Variants in FGFR1 observed in about 807,000 individuals in gnomAD.
The protein encoded by FGFR1 is FGFR1/PLAG1 fusion.
A neutral mutation model predicts 93.7 loss-of-function variants in FGFR1; 18 were observed. The observed-to-expected ratio is 0.19, with a 90% confidence interval of 0.13 to 0.28. FGFR1 has a LOEUF of 0.28. Ranked by LOEUF, FGFR1 falls within the 10% of genes least tolerant of loss-of-function variation. The pLI, the probability that FGFR1 is intolerant of heterozygous loss-of-function variation, is 1.00. For missense variants in FGFR1, 731 were observed against 1,080.4 expected, an observed-to-expected ratio of 0.68 and a Z score of 4.53; for synonymous variants, 448 against 429.3, an observed-to-expected ratio of 1.04 and a Z score of -0.54.
chr8:38,414,535 T>C (rs1180320920), intron 15 of FGFR1, 24 bp downstream of exon 15: 1 of 1,613,490 alleles, frequency 6.2e-7, no homozygotes, highest in Admixed American at 1.7e-5. Flanking sequence ...CACACCTCCC[T>C]GGCAATTGCT....
At position 38,419,710 on chromosome 8, in the gene FGFR1, C is replaced by T. The variant is rs1404194266; in HGVS notation, c.1107G>A (p.Met369Ile). The T allele has an allele frequency of 6.2e-7, 1 of 1,614,104 alleles. No homozygotes were observed. Among genetic ancestry groups the T allele is most frequent in the Admixed American group, 1.7e-5 (1 of 60,016 alleles). ...LEALEERPAV[M>I]TSPLYLEIII... The stretch of plus-strand genomic sequence containing the variant: ...TGATCTCCAGGTACAGGGGCGAGGT[C>T]ATCACTGCCGGCCTCTCTTCCAGGG... The change falls in exon 9 of 18, where the codon ATG becomes ATA. Residue 369 changes from methionine to isoleucine, a missense_variant. Met to Ile is a conservative substitution (Grantham distance 10). Around this residue, in one of 10 missense-constraint regions of FGFR1, gnomAD observed 146 missense variants for 173.0 expected, o/e 0.84. Transcript: ENST00000447712.
chr8:38,441,106 C>A (rs1000496066), intron 2 of FGFR1, among the ~76,000 whole-genome samples: 1 of 145,108 alleles, frequency 6.9e-6, no homozygotes, highest in Non-Finnish European at 1.5e-5. Flanking sequence ...CAGCAAGACA[C>A]GTGTAGAATC....
intron 3 of FGFR1, 167 bp from the exon 4 acceptor site, chr8:38,428,602 C>G: frequency 1.5e-6 from 1 of 647,114 alleles, no homozygotes; most frequent in Non-Finnish European, 2.8e-6. Flanking sequence ...AAGAACAGTT[C>G]CTGTGCGTGT....
chr8:38,462,914 T>C (rs1167752977), intron 1 of FGFR1, among the ~76,000 whole-genome samples: 1 of 150,352 alleles, frequency 6.7e-6, no homozygotes, highest in Admixed American at 6.6e-5. Flanking sequence ...TTTTTTTTTT[T>C]TTTTTTTTTA....
chr8:38,420,052 C>T, intron 8 of FGFR1: 1 of 389,400 alleles, frequency 2.6e-6, no homozygotes, highest in South Asian at 2.8e-5. Context: ...CCCAGGGATC[C>T]TGCAAGGGCC....
At chr8:38,446,628 G>A (rs1364360184) in intron 2 of FGFR1, among the ~76,000 whole-genome samples, 2 of 151,974 alleles carry the variant, frequency 1.3e-5, no homozygotes, top group Non-Finnish European at 2.9e-5. Context: ...TTGCCCAAGC[G>A]GGTCTTCTGA....
Position 38,411,834 on chromosome 8 carries a change from A to G in FGFR1, c.*1794T>C, listed in dbSNP as rs1252304325. 4.4e-6 allele frequency: 1 copy of G among 228,688 alleles called. No homozygotes were observed. The highest frequency in any genetic ancestry group is 5.7e-5 in the Admixed American group (1 of 17,634). 14.2% of individuals were successfully genotyped at this position (228,688 alleles called of 1,614,324 possible). On this transcript the variant is annotated 3_prime_UTR_variant, in exon 18 of 18. Coordinates refer to ENST00000447712, the MANE Select transcript of FGFR1 (RefSeq NM_023110.3). ...GGGACAGGATGGAGTTTGGACAGGAAGAACTGTAAGAAGCCAAGATCTGCG... is the reference window on the plus strand; with the variant it reads ...GGGACAGGATGGAGTTTGGACAGGAGGAACTGTAAGAAGCCAAGATCTGCG...
chr8:38,416,304 A>C (rs1315397097), intron 12 of FGFR1, among the ~76,000 whole-genome samples: 1 of 152,202 alleles, frequency 6.6e-6, no homozygotes, highest in African/African-American at 2.4e-5. Context: ...GTTTATTTTG[A>C]GATGGAGTCT....
intron 2 of FGFR1, among the ~76,000 whole-genome samples, chr8:38,453,926 G>A (rs1431245894): frequency 6.6e-6 from 1 of 152,016 alleles, no homozygotes; most frequent in South Asian, 2.1e-4. Context: ...AACAAACCCA[G>A]CTGATCTTAA....
rs762987116 is a variant in FGFR1 at position 38,421,858 on chromosome 8, C to T, written c.1020G>A (p.Thr340=). Residue 340 remains threonine, a synonymous_variant, in exon 8 of 18, where the codon ACG becomes ACA. Coordinates refer to ENST00000447712, the MANE Select transcript of FGFR1 (RefSeq NM_023110.3). ...GTCCGATAGAGTTACCCGCCAAGCA[C>T]GTATACTCCCCTGCGTCCTCAAAGG... ...NVSFEDAGEY[T]CLAGNSIGLS... 15 of 1,613,954 alleles carry T rather than the reference C, an allele frequency of 9.3e-6. No homozygotes were observed. Among genetic ancestry groups the T allele is most frequent in the African/African-American group, 1.3e-5 (1 of 74,898 alleles).
Position 38,418,290 on chromosome 8 carries a change from C to A in FGFR1, c.1368G>T (p.Met456Ile), listed in dbSNP as rs200776757. ...PSRLSSSGTPMLAGVSEYELP... is the reference protein window; with the variant it reads ...PSRLSSSGTPILAGVSEYELP... ...GCTCATACTCAGAGACCCCTGCTAG[C>A]ATGGGAGTCCCACTGGAGGAGAGCC... The change falls in exon 10 of 18, where the codon ATG (methionine) becomes ATT (isoleucine). Residue 456 changes from methionine (M) to isoleucine (I), a missense_variant. Met to Ile is a conservative substitution (Grantham distance 10). Transcript: ENST00000447712. 905 of 1,614,218 alleles carry A rather than the reference C, an allele frequency of 5.6e-4. No individual in the cohort carries two copies. The highest frequency in any genetic ancestry group is 7.2e-4 in the Non-Finnish European group (849 of 1,180,042).
At chr8:38,467,779 A>C (rs1835870582) in intron 1 of FGFR1, 4 of 231,084 alleles carry the variant, frequency 1.7e-5, no homozygotes, top group Admixed American at 1.1e-4. Context: ...GGAGACGCGG[A>C]CGGAGGGAAG....
intron 2 of FGFR1, chr8:38,434,427 A>C (rs1396390559): frequency 2.6e-6 from 1 of 383,578 alleles, no homozygotes; most frequent in Non-Finnish European, 5.0e-6. Flanking sequence ...TCCTGGCTCA[A>C]CACTGATGGA....
intron 1 of FGFR1, among the ~76,000 whole-genome samples, chr8:38,466,895 A>ACCCCCCCC (rs35393411): frequency 1.5e-5 from 2 of 135,708 alleles, no homozygotes; most frequent in Admixed American, 7.3e-5. Flanking sequence ...TTCACACCCC[A>ACCCCCCCC]CCCCCCCCCC....
At chr8:38,462,512 A>T (rs1474381913) in intron 1 of FGFR1, among the ~76,000 whole-genome samples, 2 of 151,748 alleles carry the variant, frequency 1.3e-5, no homozygotes, top group African/African-American at 4.9e-5. Flanking sequence ...CAAAAAAAAA[A>T]ATTTTTTTTA....
chr8:38,451,031 G>C (rs1830906149), intron 2 of FGFR1, among the ~76,000 whole-genome samples: 1 of 152,116 alleles, frequency 6.6e-6, no homozygotes, highest in South Asian at 2.1e-4. Flanking sequence ...GGACAGAGCT[G>C]ATCCTCTGGG....
intron 2 of FGFR1, among the ~76,000 whole-genome samples, chr8:38,451,543 C>A (rs1265682702): frequency 1.3e-5 from 2 of 152,154 alleles, no homozygotes; most frequent in Admixed American, 1.3e-4. Flanking sequence ...CAGGTTTCTG[C>A]AAAACACAGA....
intron 11 of FGFR1, 84 bp from the exon 12 acceptor site, chr8:38,417,500 G>A: frequency 1.7e-6 from 2 of 1,179,460 alleles, no homozygotes; most frequent in East Asian, 2.4e-5. Context: ...TGTGTCGAGG[G>A]GCTGCTTTTC....
rs370903617 is a variant in FGFR1 at position 38,413,827 on chromosome 8, G to T, written c.2293-23C>A. On this transcript the variant is annotated intron_variant, in intron 17 of 17. Transcript: ENST00000447712. The surrounding 1 kb of genome is among the most constrained non-coding windows in gnomAD (Gnocchi z 4.2). ...CTCCTGTGATGGGCGAGAGGAAGCAGCGATGGGCCGGGCCCCTCCTCCCTG... is the reference window on the plus strand; with the variant it reads ...CTCCTGTGATGGGCGAGAGGAAGCATCGATGGGCCGGGCCCCTCCTCCCTG... The T allele has an allele frequency of 1.2e-6, 2 of 1,613,812 alleles. No individual in the cohort carries two copies. Among genetic ancestry groups the T allele is most frequent in the Non-Finnish European group, 8.5e-7 (1 of 1,179,898 alleles).
Sources: allele counts gnomAD v4.1 joint callset (sites outside exome capture counted in the v4.1 genomes callset), GRCh38; gene constraint gnomAD v4.1.1; regional missense constraint gnomAD v4.1.1; non-coding constraint Gnocchi (gnomAD v3.1); transcripts MANE v1.5; gene names NCBI Gene and HGNC (gene_info 2026-07-23, HGNC 2026-07-21).